Variants in NPSR1 observed in about 807,000 individuals in gnomAD.
The protein encoded by NPSR1 is neuropeptide S receptor.
Under a neutral mutation model 46.9 loss-of-function variants are expected in NPSR1, and 48 were observed. That is an observed-to-expected ratio of 1.02 (90% confidence interval 0.81 to 1.30). The LOEUF is 1.30. Ranked by LOEUF, NPSR1 falls within the 50% of genes most tolerant of loss-of-function variation. The pLI is 0.00. For missense variants in NPSR1, 450 were observed against 449.5 expected (o/e 1.00, Z -0.01); for synonymous variants, 176 against 168.1 (o/e 1.05, Z -0.36).
chr7:34,811,161 T>TCG (rs759507838), intron 3 of NPSR1, among the ~76,000 whole-genome samples: 10 of 152,146 alleles, frequency 6.6e-5, no homozygotes, highest in Non-Finnish European at 1.0e-4. Flanking sequence ...GGCCATGTCC[T>TCG]CGTCCATAGG....
chr7:34,853,493 C>G (rs1345449437), downstream of NPSR1, among the ~76,000 whole-genome samples: 1 of 152,186 alleles, frequency 6.6e-6, no homozygotes, highest in Admixed American at 6.5e-5. Flanking sequence ...CATTTCTCTG[C>G]AATTGCATTT....
chr7:34,827,731 A>G, intron 5 of NPSR1, 129 bp downstream of exon 5: 1 of 672,184 alleles, frequency 1.5e-6, no homozygotes, highest in East Asian at 2.7e-5. Context: ...TGACCAGGCC[A>G]CAAGATTTTA....
chr7:34,750,579 G>A lies in NPSR1; in HGVS notation c.281-27883G>A, dbSNP rs1583942803. 1.6e-5 allele frequency: 11 copies of A among 692,918 alleles called. No homozygotes were observed. The East Asian group carries it at 3.0e-4, about 19-fold the overall frequency. 42.9% of individuals were successfully genotyped at this position (692,918 alleles called of 1,614,324 possible). A position where few individuals can be genotyped will look rare whatever the true frequency, so the allele number is the denominator to read the frequency against. ...TCAATCCCATCCAAACCTCTGGCAT[G>A]ACAGGCCTGAAGCTTTTGCTCAAAT... is the stretch of plus-strand genomic sequence containing the variant. On this transcript the variant is annotated intron_variant, in intron 2 of 8. Transcript: ENST00000360581.
chr7:34,802,055 G>A lies in NPSR1; in HGVS notation c.385-9715G>A, dbSNP rs1282611037. Among the ~76,000 whole-genome samples, 3 of 149,426 alleles carry A rather than the reference G, an allele frequency of 2.0e-5. 1 individual carries two copies. Among genetic ancestry groups the A allele is most frequent in the Non-Finnish European group, 4.4e-5 (3 of 68,014 alleles). On this transcript the variant is annotated intron_variant, in intron 3 of 8. Transcript: ENST00000360581. ...GGAGAACTACAAACCACTGCTCAAT[G>A]AAATAAAAGAGGATACAAAGAAATG...
intron 3 of NPSR1, among the ~76,000 whole-genome samples, chr7:34,787,753 A>C (rs898573684): frequency 2.6e-5 from 4 of 152,138 alleles, no homozygotes; most frequent in Admixed American, 2.6e-4. Context: ...AGGAACAACC[A>C]GTTGGTGGAG....
intron 5 of NPSR1, among the ~76,000 whole-genome samples, chr7:34,828,498 G>A (rs1789963117): frequency 6.6e-6 from 1 of 152,222 alleles, no homozygotes; most frequent in Admixed American, 6.5e-5. Flanking sequence ...CCTCTGAAAT[G>A]GGCTCTGCAT....
intron 5 of NPSR1, among the ~76,000 whole-genome samples, chr7:34,831,005 A>G (rs762040301): frequency 2.0e-5 from 3 of 151,494 alleles, no homozygotes; most frequent in Non-Finnish European, 4.4e-5. Flanking sequence ...TCCAATACCA[A>G]CTCCACAGTA....
At chr7:34,689,630 A>AAAG (rs1793138862) in intron 2 of NPSR1, among the ~76,000 whole-genome samples, 2 of 145,452 alleles carry the variant, frequency 1.4e-5, no homozygotes, top group Non-Finnish European at 3.0e-5. Context: ...AAAAAAAAAA[A>AAAG]AAAAGAAAAG....
chr7:34,813,241 T>G (rs1282058473), intron 4 of NPSR1, among the ~76,000 whole-genome samples: 1 of 152,210 alleles, frequency 6.6e-6, no homozygotes, highest in Admixed American at 6.5e-5. Flanking sequence ...TGTTTATTGA[T>G]TGCATACTAG....
chr7:34,701,687 CA>C (rs772579077), intron 2 of NPSR1, among the ~76,000 whole-genome samples: 2 of 152,182 alleles, frequency 1.3e-5, no homozygotes, highest in South Asian at 4.1e-4. Context: ...CAACTGACAT[CA>C]GCAATGAAAC....
At chr7:34,739,012 G>A (rs1432485449) in intron 2 of NPSR1, among the ~76,000 whole-genome samples, 2 of 152,042 alleles carry the variant, frequency 1.3e-5, no homozygotes, top group African/African-American at 4.8e-5. Flanking sequence ...TTTGTTTCTG[G>A]CTTCTTTCAC....
At position 34,869,394 on chromosome 7, in the gene NPSR1, T is replaced by G. The variant is rs1584160289; in HGVS notation, c.1026-8682T>G. On this transcript the variant is annotated intron_variant, in intron 8 of 8. Coordinates refer to the NPSR1 transcript ENST00000359791. ...ATGACATCAGATCCTATTTAAAATC[T>G]CTGCCTTTTCTCCGTTCCCACACAC... Among the ~76,000 whole-genome samples, 3 of 151,948 alleles carry G rather than the reference T, an allele frequency of 2.0e-5. No individual in the cohort carries two copies. In the South Asian group the frequency reaches 6.2e-4, roughly 32 times the overall value.
intron 2 of NPSR1, among the ~76,000 whole-genome samples, chr7:34,740,423 C>A (rs939569605): frequency 2.0e-5 from 3 of 151,274 alleles, no homozygotes; most frequent in Non-Finnish European, 4.4e-5. Flanking sequence ...GTCCAGGAGA[C>A]TTCTAGTTTG....
At chr7:34,774,965 T>G (rs2128735110) in intron 2 of NPSR1, among the ~76,000 whole-genome samples, 1 of 152,320 alleles carries the variant, frequency 6.6e-6, no homozygotes, top group South Asian at 2.1e-4. Context: ...TAACTTTTAC[T>G]TGAAAATGCA....
At chr7:34,723,304 T>C (rs1303099748) in intron 2 of NPSR1, 1 of 152,604 alleles carries the variant, frequency 6.6e-6, no homozygotes, top group East Asian at 1.9e-4. Context: ...TGATGTCCCA[T>C]TGTCCAATAA....
chr7:34,799,766 A>G (rs1788383305), intron 3 of NPSR1, among the ~76,000 whole-genome samples: 1 of 57,042 alleles, frequency 1.8e-5, no homozygotes, highest in Non-Finnish European at 3.3e-5. Flanking sequence ...AAAGACACAC[A>G]CTGGCAAATT....
intron 3 of NPSR1, among the ~76,000 whole-genome samples, chr7:34,810,483 A>T (rs1788926564): frequency 6.6e-6 from 1 of 152,196 alleles, no homozygotes; most frequent in African/African-American, 2.4e-5. Context: ...AGTGGGAAGG[A>T]AGAGGAGACC....
At position 34,860,601 on chromosome 7, in the gene NPSR1, G is replaced by A. The variant is rs966160199; in HGVS notation, c.1025+11938G>A. On this transcript the variant is annotated intron_variant, in intron 8 of 8. Transcript: ENST00000359791. ...TTCTGCATTCAATCTGTTGCAATAT[G>A]CTGTTTTGATGGAAATATATAAGGA... Among the ~76,000 whole-genome samples, 8 of 151,890 alleles carry A rather than the reference G, an allele frequency of 5.3e-5. 1 individual carries two copies. The highest frequency in any genetic ancestry group is 3.4e-3 in the Middle Eastern group (1 of 294).
intron 2 of NPSR1, among the ~76,000 whole-genome samples, chr7:34,690,114 A>G (rs913927181): frequency 1.3e-5 from 2 of 152,156 alleles, no homozygotes; most frequent in African/African-American, 4.8e-5. Flanking sequence ...CATTTGGGAA[A>G]GCCACCATAC....
Sources: allele counts gnomAD v4.1 joint callset (sites outside exome capture counted in the v4.1 genomes callset), GRCh38; gene constraint gnomAD v4.1.1; transcripts MANE v1.5; gene names NCBI Gene and HGNC (gene_info 2026-07-23, HGNC 2026-07-21).